UIMC1: variants seen among roughly 807,000 people sequenced by gnomAD.
The protein encoded by UIMC1 is ubiquitin interaction motif containing 1.
UIMC1 carries 42 observed loss-of-function variants against 84.9 expected under a neutral mutation model. The observed-to-expected ratio is 0.49, with a 90% CI of 0.39 to 0.64. The LOEUF is 0.64. Ranked by LOEUF, UIMC1 falls within the 30% of genes least tolerant of loss-of-function variation. The pLI is 0.00. For synonymous variants in UIMC1, 281 were observed against 293.0 expected (o/e 0.96, Z 0.42); for missense variants, 825 against 847.6 (o/e 0.97, Z 0.33).
chr5:176,951,524 C>G lies in UIMC1; in HGVS notation c.1393G>C (p.Gly465Arg). The change falls in exon 9 of 15, where the codon GGT becomes CGT. Residue 465 changes from glycine (G) to arginine (R), a missense_variant. Gly to Arg is a moderately radical substitution (Grantham distance 125). Transcript: ENST00000511320. ...ACTCCATCCAAGATATCTCTGCTACCTGGAGAGACTTCTCTTTCAAGGTCA... is the reference window on the plus strand; with the variant it reads ...ACTCCATCCAAGATATCTCTGCTACGTGGAGAGACTTCTCTTTCAAGGTCA... ...TFDLEREVSP[G>R]SRDILDGVRI... 1.9e-6 allele frequency: 3 copies of G among 1,586,462 alleles called. No homozygotes were observed. The highest frequency in any genetic ancestry group is 2.6e-6 in the Non-Finnish European group (3 of 1,168,060).
intron 6 of UIMC1, among the ~76,000 whole-genome samples, chr5:176,966,501 A>G (rs184385677): frequency 6.6e-6 from 1 of 152,334 alleles, no homozygotes; most frequent in Admixed American, 6.5e-5. Flanking sequence ...AGTAAAACAA[A>G]ACCAAAAGTC....
intron 10 of UIMC1, among the ~76,000 whole-genome samples, chr5:176,917,444 T>C (rs1024295426): frequency 2.6e-5 from 4 of 151,808 alleles, no homozygotes; most frequent in African/African-American, 9.7e-5. Context: ...TGGTGGTGAG[T>C]GCCTGTAACC....
Position 177,002,495 on chromosome 5 carries a change from A to G in UIMC1, c.-9+4155T>C, listed in dbSNP as rs141369918. Among the ~76,000 whole-genome samples the G allele has an allele frequency of 9.1e-3, 1,387 of 152,220 alleles. 8 individuals are homozygous for G. Among genetic ancestry groups the G allele is most frequent in the South Asian group, 0.025 (121 of 4,818 alleles). On this transcript the variant is annotated intron_variant, in intron 1 of 14. Coordinates refer to ENST00000511320, the MANE Select transcript of UIMC1 (RefSeq NM_001199298.2). ...ACTGTATATAAATGATATCTTAATA[A>G]AAAGTTTTTAAAAATAATAAATATG...
At chr5:176,958,720 G>A (rs1766926961) in intron 6 of UIMC1, among the ~76,000 whole-genome samples, 1 of 152,168 alleles carries the variant, frequency 6.6e-6, no homozygotes, top group South Asian at 2.1e-4. Flanking sequence ...CTGCCACTAT[G>A]GTTTTTATAT....
chr5:176,984,534 G>C (rs1198747528), intron 1 of UIMC1, among the ~76,000 whole-genome samples: 1 of 150,458 alleles, frequency 6.6e-6, no homozygotes, highest in Non-Finnish European at 1.5e-5. Context: ...GCCCCATCTA[G>C]GAGTGAGGAG....
chr5:176,908,689 TC>T lies in UIMC1; in HGVS notation c.1681del (p.Glu561ArgfsTer52), dbSNP rs1417409406. 1 of 1,612,800 alleles carries T rather than the reference TC, an allele frequency of 6.2e-7. No individual in the cohort carries two copies. The highest frequency in any genetic ancestry group is 1.1e-5 in the South Asian group (1 of 90,874). On this transcript the variant is annotated frameshift_variant, in exon 12 of 15. Coordinates refer to ENST00000511320, the MANE Select transcript of UIMC1 (RefSeq NM_001199298.2). LOFTEE classifies it high-confidence loss of function. ...CAGGGATTTACAGAGGTAACACTTC[TC>T]ATTCCTATCCAATAAGAAAAAAGGA... ...AQTSLDIDKN[E>X]KCYLCKSLVP...
At chr5:176,913,936 C>CA (rs1469659968) in intron 10 of UIMC1, among the ~76,000 whole-genome samples, 2 of 152,136 alleles carry the variant, frequency 1.3e-5, no homozygotes, top group African/African-American at 2.4e-5. Flanking sequence ...GAGATAGCAC[C>CA]ACTGCACTCT....
At chr5:177,000,480 TG>T (rs1774280900) in intron 1 of UIMC1, among the ~76,000 whole-genome samples, 1 of 151,508 alleles carries the variant, frequency 6.6e-6, no homozygotes, top group African/African-American at 2.4e-5. Context: ...TTCATATGCC[TG>T]TTTTCCACTT....
chr5:176,941,387 T>C lies in UIMC1; in HGVS notation c.1597+1948A>G, dbSNP rs145607165. On this transcript the variant is annotated intron_variant, in intron 10 of 14. Transcript: ENST00000511320. ...TATAGCATGGTCCCGTTTATGTAAATAGTGCCTAATTTTAAGTATTCAATA... is the reference window on the plus strand; with the variant it reads ...TATAGCATGGTCCCGTTTATGTAAACAGTGCCTAATTTTAAGTATTCAATA... Among the ~76,000 whole-genome samples the C allele has an allele frequency of 2.9e-3, 441 of 152,320 alleles. 1 individual carries two copies. Among genetic ancestry groups the C allele is most frequent in the African/African-American group, 0.01 (429 of 41,558 alleles).
rs139356342 is a variant in UIMC1 at position 176,973,541 on chromosome 5, A to G, written c.232+1855T>C. Among the ~76,000 whole-genome samples, 1,326 of 150,876 alleles carry G rather than the reference A, an allele frequency of 8.8e-3. 7 individuals carry two copies. The highest frequency in any genetic ancestry group is 0.025 in the South Asian group (117 of 4,714). ...GCTGCAGTGAGCCAAGATCACACCA[A>G]TGCATTCCAGCATAGGTGACAAAGT... On this transcript the variant is annotated intron_variant, in intron 3 of 14. Coordinates refer to ENST00000511320, the MANE Select transcript of UIMC1 (RefSeq NM_001199298.2).
At chr5:176,906,129 CTCTAGGCACTGCTTCTCATCAGGCCTA>C (rs1244076315) in intron 13 of UIMC1, 82 bp from the exon 14 acceptor site, 20 of 1,324,098 alleles carry the variant, frequency 1.5e-5, no homozygotes, top group Non-Finnish European at 2.0e-5. Flanking sequence ...TGCTTCCGTG[CTCTAGGCACTGCTTCTCATCAGGCCTA>C]TCCAGGTAGC....
At chr5:176,999,545 C>A (rs542603035) in intron 1 of UIMC1, among the ~76,000 whole-genome samples, 18 of 152,122 alleles carry the variant, frequency 1.2e-4, no homozygotes, top group Admixed American at 3.9e-4. Context: ...CCCACCTCCC[C>A]ACCATCCCCC....
intron 9 of UIMC1, among the ~76,000 whole-genome samples, chr5:176,946,662 C>T (rs1391206882): frequency 6.6e-6 from 1 of 152,136 alleles, no homozygotes; most frequent in African/African-American, 2.4e-5. Context: ...TGGCAAAACC[C>T]TGTCTCTACT....
chr5:176,953,723 C>T (rs1276275810), intron 8 of UIMC1, among the ~76,000 whole-genome samples: 3 of 152,066 alleles, frequency 2.0e-5, no homozygotes, highest in African/African-American at 7.2e-5. Context: ...GCATTAGCTT[C>T]TCAGAAAAAA....
intron 10 of UIMC1, among the ~76,000 whole-genome samples, chr5:176,921,918 G>C (rs1761757274): frequency 6.6e-6 from 1 of 152,120 alleles, no homozygotes; most frequent in Non-Finnish European, 1.5e-5. Context: ...TCTGACCACT[G>C]TTTATTTCTT....
chr5:177,019,472 CA>C (rs1288320441), intron 1 of UIMC1, among the ~76,000 whole-genome samples: 4 of 148,666 alleles, frequency 2.7e-5, no homozygotes, highest in African/African-American at 7.4e-5. Context: ...CCTGTCTCTA[CA>C]AAAAAAAAAT....
At chr5:176,945,275 T>C (rs1442417659) in intron 9 of UIMC1, among the ~76,000 whole-genome samples, 4 of 152,206 alleles carry the variant, frequency 2.6e-5, no homozygotes, top group Admixed American at 6.5e-5. Context: ...TCCAGGTTCC[T>C]CTGTTCATAA....
chr5:176,999,144 CTGAG>C (rs1334982797), intron 1 of UIMC1, among the ~76,000 whole-genome samples: 2 of 152,168 alleles, frequency 1.3e-5, no homozygotes, highest in African/African-American at 4.8e-5. Context: ...TCACTCCAGA[CTGAG>C]TGACAGAGCA....
intron 5 of UIMC1, 39 bp downstream of exon 5, chr5:176,969,562 T>C (rs771699385): frequency 6.3e-6 from 10 of 1,587,684 alleles, no homozygotes; most frequent in South Asian, 3.3e-5. Flanking sequence ...GGTACAGTTA[T>C]ACTTGATGAA....
Sources: gnomAD v4.1 joint callset for allele counts (sites outside exome capture counted in the v4.1 genomes callset) on GRCh38, gnomAD v4.1.1 for gene constraint, MANE v1.5 for transcripts, NCBI Gene and HGNC (gene_info 2026-07-23, HGNC 2026-07-21) for gene names.